The following TMEM8B variants were observed in gnomAD, a reference collection of about 807,000 sequenced individuals.
TMEM8B encodes transmembrane protein 8B.
A neutral mutation model predicts 49.3 loss-of-function variants in TMEM8B; 29 were observed. The ratio of observed to expected loss-of-function variants is 0.59; its 90% CI spans 0.44 to 0.80. TMEM8B has a LOEUF of 0.80. TMEM8B is among the 30% of genes least tolerant of loss of function. The pLI, the probability that TMEM8B is intolerant of heterozygous loss-of-function variation, is 0.00. For missense variants in TMEM8B, 575 were observed against 658.5 expected, an observed-to-expected ratio of 0.87 and a Z score of 1.39; for synonymous variants, 264 against 272.8, an observed-to-expected ratio of 0.97 and a Z score of 0.32.
Position 35,846,803 on chromosome 9 carries a change from T to G in TMEM8B, c.1997-14T>G. 1 of 1,607,986 alleles carries G rather than the reference T, an allele frequency of 6.2e-7. No homozygotes were observed. Among genetic ancestry groups the G allele is most frequent in the Non-Finnish European group, 8.5e-7 (1 of 1,176,976 alleles). ...CGTCTGTTCTCTTCCATTCTGTGCC[T>G]TCCCCACCCGCAGGGTGGAGAGGCT... On this transcript the variant is annotated splice_polypyrimidine_tract_variant and intron_variant, in intron 9 of 12. Coordinates refer to ENST00000643932, the MANE Select transcript of TMEM8B (RefSeq NM_001042590.4).
intron 10 of TMEM8B, chr9:35,847,329 A>G: frequency 1.6e-6 from 1 of 633,284 alleles, no homozygotes; most frequent in Non-Finnish European, 2.8e-6. Flanking sequence ...TTGTGTCTGC[A>G]CAGTCACCAT....
intron 1 of TMEM8B, among the ~76,000 whole-genome samples, chr9:35,832,157 G>A (rs563988460): frequency 6.8e-6 from 1 of 146,042 alleles, no homozygotes; most frequent in East Asian, 2.1e-4. Flanking sequence ...GCCTATGTGT[G>A]TAGGTGTAGG....
chr9:35,848,764 T>A (rs919472771), intron 10 of TMEM8B, among the ~76,000 whole-genome samples: 2 of 146,452 alleles, frequency 1.4e-5, no homozygotes, highest in African/African-American at 2.5e-5. Context: ...AACCTCCGCC[T>A]CCCAGGTTCA....
intron 10 of TMEM8B, among the ~76,000 whole-genome samples, chr9:35,851,657 G>A (rs1002005379): frequency 3.3e-5 from 5 of 152,182 alleles, no homozygotes; most frequent in African/African-American, 1.2e-4. Context: ...CCTCCAAAGT[G>A]AAGGAAAAGA....
Position 35,846,518 on chromosome 9 carries a change from CTGTCCCCATGCG to C in TMEM8B, c.1906_1917del (p.Ser636_Val639del). ...GGCCGAGGTGCGGATGCGCACCTTC[CTGTCCCCATGCG>C]TGGACGACTGCGGGCCCTACGGCCA... On this transcript the variant is annotated inframe_deletion, in exon 9 of 13. Coordinates refer to ENST00000643932, the MANE Select transcript of TMEM8B (RefSeq NM_001042590.4). 6.3e-7 allele frequency: 1 copy of C among 1,592,110 alleles called. No homozygotes were observed. The highest frequency in any genetic ancestry group is 8.6e-7 in the Non-Finnish European group (1 of 1,169,338).
chr9:35,851,676 A>G (rs1173526862), intron 10 of TMEM8B, among the ~76,000 whole-genome samples: 2 of 152,240 alleles, frequency 1.3e-5, no homozygotes, highest in African/African-American at 4.8e-5. Flanking sequence ...GAAAGAAGAT[A>G]GATACGCAAG....
chr9:35,846,627 A>C lies in TMEM8B; in HGVS notation c.1996+16A>C. On this transcript the variant is annotated intron_variant, in intron 9 of 12. Coordinates refer to ENST00000643932, the MANE Select transcript of TMEM8B (RefSeq NM_001042590.4). ...TGCAAGGCCGGTGAGCAGGCTGGCG[A>C]GGGAGCGGGCTGCGGTGGACTGGAG... The C allele has an allele frequency of 6.3e-7, 1 of 1,574,932 alleles. No homozygotes were observed. Among genetic ancestry groups the C allele is most frequent in the Non-Finnish European group, 8.6e-7 (1 of 1,159,534 alleles).
At chr9:35,831,107 G>A (rs1829848063) in intron 1 of TMEM8B, among the ~76,000 whole-genome samples, 1 of 152,216 alleles carries the variant, frequency 6.6e-6, no homozygotes, top group African/African-American at 2.4e-5. Context: ...AACTTAAGGA[G>A]ACGAATGCAC....
chr9:35,840,934 G>A (rs1830923547), intron 3 of TMEM8B, among the ~76,000 whole-genome samples, 200 bp from the exon 4 acceptor site: 1 of 152,218 alleles, frequency 6.6e-6, no homozygotes, highest in Non-Finnish European at 1.5e-5. Context: ...AGACCTTGCA[G>A]ACTGAGGTGG....
rs1456346620 is a variant in TMEM8B at position 35,842,065 on chromosome 9, A to G, written c.1309+271A>G. Reference sequence around the variant, plus strand: ...TCAGTTTCCTGGGGTAGGCAGGGACATCCAGGACCTCTGGGACACTGTCCT... The same window carrying G: ...TCAGTTTCCTGGGGTAGGCAGGGACGTCCAGGACCTCTGGGACACTGTCCT... On this transcript the variant is annotated intron_variant, in intron 5 of 12. Coordinates refer to ENST00000643932, the MANE Select transcript of TMEM8B (RefSeq NM_001042590.4). This position sits in a 1 kb window ranked among gnomAD's most constrained non-coding sequence, Gnocchi z 5.6. Among the ~76,000 whole-genome samples, 1 of 152,188 alleles carries G rather than the reference A, an allele frequency of 6.6e-6. No individual in the cohort carries two copies. The highest frequency in any genetic ancestry group is 1.5e-5 in the Non-Finnish European group (1 of 68,042).
In TMEM8B at chr9:35,853,192, C is replaced by T. The variant is rs773754316; in HGVS notation, c.2374C>T (p.Arg792Ter). 9.9e-6 allele frequency: 16 copies of T among 1,614,014 alleles called. No individual in the cohort carries two copies. Among genetic ancestry groups the T allele is most frequent in the African/African-American group, 1.3e-5 (1 of 74,896 alleles). The change falls in exon 12 of 13, where the codon CGA (arginine) becomes TGA (stop). Residue 792 changes from arginine (R) to a stop codon, truncating the protein, a stop_gained. Coordinates refer to ENST00000643932, the MANE Select transcript of TMEM8B (RefSeq NM_001042590.4). LOFTEE classifies it high-confidence loss of function. This position sits in a 1 kb window ranked among gnomAD's most constrained non-coding sequence, Gnocchi z 4.2. ...GCTGTCCATGGCTCTGCAGCTTGAC[C>T]GACATGGACTCTGGAACCTGCTTGG... ...MLLSMALQLDRHGLWNLLGPS... is the reference protein window; with the variant it reads ...MLLSMALQLD
rs887741413 is a variant in TMEM8B at position 35,829,536 on chromosome 9, C to A, written c.89C>A (p.Pro30His). The change falls in exon 1 of 13, where the codon CCC becomes CAC. Residue 30 changes from proline (P) to histidine (H), a missense_variant. Transcript: ENST00000643932. ...CCCTCGCCCCGCTTCCCACATCGGCCCCAGCCCCTGCCTGGGTCCCCATCC... is the reference window on the plus strand; with the variant it reads ...CCCTCGCCCCGCTTCCCACATCGGCACCAGCCCCTGCCTGGGTCCCCATCC... ...APPSPRFPHRPQPLPGSPSRT... is the reference protein window; with the variant it reads ...APPSPRFPHRHQPLPGSPSRT... 1 of 398,736 alleles carries A rather than the reference C, an allele frequency of 2.5e-6. No individual in the cohort carries two copies. Among genetic ancestry groups the A allele is most frequent in the Admixed American group, 4.4e-5 (1 of 22,682 alleles). 24.7% of individuals were successfully genotyped at this position (398,736 alleles called of 1,614,324 possible).
At chr9:35,840,907 G>C (rs1453815463) in intron 3 of TMEM8B, among the ~76,000 whole-genome samples, 5 of 152,216 alleles carry the variant, frequency 3.3e-5, no homozygotes, top group Non-Finnish European at 7.3e-5. Context: ...ACCTCAGCCA[G>C]TGCTGAGGAT....
rs1832635093 is a variant in TMEM8B, at chr9:35,860,682, TAAG to T, written c.*6845_*6847del. 1.3e-5 allele frequency: 2 copies of T among 152,184 alleles called. No homozygotes were observed. The highest frequency in any genetic ancestry group is 4.8e-5 in the African/African-American group (2 of 41,438). 9.4% of individuals were successfully genotyped at this position (152,184 alleles called of 1,614,324 possible). ...TCATTATTTTGTTTAAAAGGACACA[TAAG>T]AACGTACATGTCTCAATAGAGTTAC... On this transcript the variant is annotated 3_prime_UTR_variant, in exon 13 of 13. Transcript: ENST00000643932.
At chr9:35,849,276 C>T (rs1235763828) in intron 10 of TMEM8B, among the ~76,000 whole-genome samples, 1 of 152,110 alleles carries the variant, frequency 6.6e-6, no homozygotes, top group African/African-American at 2.4e-5. Flanking sequence ...GAGTAGTAAT[C>T]CATTCTTATC....
intron 10 of TMEM8B, among the ~76,000 whole-genome samples, chr9:35,850,838 T>C (rs1832068665): frequency 6.6e-6 from 1 of 152,230 alleles, no homozygotes; most frequent in Admixed American, 6.5e-5. Context: ...AAGTGAAGCA[T>C]ATGGAGCCAG....
At chr9:35,837,201 C>T (rs1307920646) in intron 3 of TMEM8B, among the ~76,000 whole-genome samples, 1 of 152,188 alleles carries the variant, frequency 6.6e-6, no homozygotes, top group East Asian at 1.9e-4. Context: ...TTCTAGGGTC[C>T]TTCTCAGCTT....
chr9:35,829,355 G>T lies in TMEM8B; in HGVS notation c.-93G>T. On this transcript the variant is annotated 5_prime_UTR_variant, in exon 1 of 13. Transcript: ENST00000643932. ...CCCGCCCCGGGCCCGCGAGGACACC[G>T]GAGGCCACCCCCCGGGGGTGGGGAG... The T allele has an allele frequency of 2.7e-6, 1 of 369,106 alleles. No homozygotes were observed. The highest frequency in any genetic ancestry group is 1.4e-4 in the South Asian group (1 of 7,242). The allele number at this position is 369,106 out of a possible 1,614,324, so 22.9% of individuals were successfully genotyped here.
intron 8 of TMEM8B, 29 bp from the exon 9 acceptor site, chr9:35,846,440 G>T (rs1395932162): frequency 6.3e-7 from 1 of 1,597,014 alleles, no homozygotes. Context: ...GTGGCCCGGG[G>T]CCCCAGGTGA....
Sources: allele counts gnomAD v4.1 joint callset (sites outside exome capture counted in the v4.1 genomes callset), GRCh38; gene constraint gnomAD v4.1.1; non-coding constraint Gnocchi (gnomAD v3.1); transcripts MANE v1.5; gene names NCBI Gene and HGNC (gene_info 2026-07-23, HGNC 2026-07-21).